FBXW8: variants seen among roughly 807,000 people sequenced by gnomAD.
The protein encoded by FBXW8 is F-box and WD repeat domain containing 8.
FBXW8 carries 57 observed loss-of-function variants against 65.3 expected under a neutral mutation model. That is an observed-to-expected ratio of 0.87 (90% CI 0.71 to 1.09). The LOEUF is 1.09. Among genes scored for constraint, FBXW8 ranks in the 50% least tolerant of loss-of-function variants. FBXW8 has a pLI of 0.00. For missense variants in FBXW8, 777 were observed against 814.8 expected (o/e 0.95, Z 0.57); for synonymous variants, 308 against 330.2 (o/e 0.93, Z 0.73).
intron 7 of FBXW8, among the ~76,000 whole-genome samples, chr12:117,008,448 C>A (rs1038067346): frequency 6.6e-6 from 1 of 152,134 alleles, no homozygotes; most frequent in African/African-American, 2.4e-5. Context: ...AAATGTTCTG[C>A]GTCAGAAATT....
rs771305729 is a variant in FBXW8, at chr12:117,011,402, A to AC, written c.1367+957dup. On this transcript the variant is annotated intron_variant, in intron 8 of 10. Transcript: ENST00000652555. Reference sequence around the variant, plus strand: ...TCCCAACCTTCACCCCTAGATACCCACCCCCAACTTAGAGCAAGGAAATGA... The same window carrying AC: ...TCCCAACCTTCACCCCTAGATACCCACCCCCCAACTTAGAGCAAGGAAATGA... Among the ~76,000 whole-genome samples, 7 of 151,808 alleles carry AC rather than the reference A, an allele frequency of 4.6e-5. No individual in the cohort carries two copies. The East Asian group carries it at 9.7e-4, about 21-fold the overall frequency.
intron 5 of FBXW8, among the ~76,000 whole-genome samples, chr12:116,967,794 T>C (rs930375453): frequency 6.6e-6 from 1 of 152,176 alleles, no homozygotes; most frequent in South Asian, 2.1e-4. Context: ...TGAGATAGAG[T>C]CTGGCTTTGT....
chr12:116,971,570 G>C (rs1884648494), intron 5 of FBXW8, among the ~76,000 whole-genome samples: 1 of 152,100 alleles, frequency 6.6e-6, no homozygotes, highest in Non-Finnish European at 1.5e-5. Context: ...TCAGTGACAG[G>C]AGCTTGAAAT....
intron 4 of FBXW8, among the ~76,000 whole-genome samples, chr12:116,952,314 A>T (rs1202936054): frequency 6.6e-6 from 1 of 152,154 alleles, no homozygotes; most frequent in Admixed American, 6.5e-5. Flanking sequence ...CATTTTTCTG[A>T]GTGTAACCCT....
At chr12:116,929,876 C>A (rs1352302319) in intron 2 of FBXW8, among the ~76,000 whole-genome samples, 1 of 152,172 alleles carries the variant, frequency 6.6e-6, no homozygotes, top group Non-Finnish European at 1.5e-5. Flanking sequence ...CCATTCTACT[C>A]TCTACTTCTA....
chr12:116,927,885 G>A, intron 1 of FBXW8, 138 bp from the exon 2 acceptor site: 1 of 601,312 alleles, frequency 1.7e-6, no homozygotes, highest in African/African-American at 1.9e-5. Context: ...AAACAGTATG[G>A]ATGCCTCCCT....
chr12:117,029,468 G>GGAGGGGCTGT lies in FBXW8; in HGVS notation c.*1306_*1315dup, dbSNP rs1338117206. On this transcript the variant is annotated 3_prime_UTR_variant, in exon 11 of 11. Transcript: ENST00000652555. ...ATACAAAACCCAGGGGATGGGGCTG[G>GGAGGGGCTGT]GAGGGGCTGTGAGGGGCTGGCACCT... The GGAGGGGCTGT allele has an allele frequency of 6.6e-6, 1 of 152,336 alleles. No individual in the cohort carries two copies. Among genetic ancestry groups the GGAGGGGCTGT allele is most frequent in the Non-Finnish European group, 1.5e-5 (1 of 68,048 alleles). The allele number at this position is 152,336 out of a possible 1,614,324, so 9.4% of individuals were successfully genotyped here.
chr12:116,941,496 C>T (rs1393410509), intron 2 of FBXW8, among the ~76,000 whole-genome samples: 1 of 152,094 alleles, frequency 6.6e-6, no homozygotes, highest in Non-Finnish European at 1.5e-5. Context: ...CTTGTGTGCA[C>T]ACATATATAG....
Position 116,988,760 on chromosome 12 carries a change from C to T in FBXW8, c.1130C>T (p.Ala377Val). 3 of 1,614,160 alleles carry T rather than the reference C, an allele frequency of 1.9e-6. No homozygotes were observed. The highest frequency in any genetic ancestry group is 2.5e-6 in the Non-Finnish European group (3 of 1,180,034). Residue 377 changes from alanine to valine, a missense_variant, in exon 7 of 11, where the codon GCC becomes GTC. Transcript: ENST00000652555. ...LMYLLKAEDSARTLLYAHGPP... is the reference protein window; with the variant it reads ...LMYLLKAEDSVRTLLYAHGPP... ...TACCTGCTCAAAGCCGAAGACTCCG[C>T]CAGAACCCTCCTTTACGCCCACGGC...
chr12:116,982,452 T>TAAAA, intron 5 of FBXW8, among the ~76,000 whole-genome samples: 1 of 152,314 alleles, frequency 6.6e-6, no homozygotes, highest in South Asian at 2.1e-4. Context: ...TAAATGATTT[T>TAAAA]GCACCTAAAA....
chr12:116,949,770 C>A, intron 4 of FBXW8, 64 bp downstream of exon 4: 2 of 1,419,392 alleles, frequency 1.4e-6, no homozygotes, highest in Non-Finnish European at 2.0e-6. Context: ...CTCATACCAC[C>A]CTCTGAGTAC....
chr12:116,949,499 A>G (rs1211245023), intron 3 of FBXW8, 119 bp from the exon 4 acceptor site: 6 of 817,822 alleles, frequency 7.3e-6, no homozygotes, highest in Non-Finnish European at 1.3e-5. Flanking sequence ...GGAACTTTGA[A>G]TGCACTTGTT....
chr12:116,924,677 A>G (rs1881185046), intron 1 of FBXW8, among the ~76,000 whole-genome samples: 1 of 152,208 alleles, frequency 6.6e-6, no homozygotes, highest in Non-Finnish European at 1.5e-5. Context: ...TGCCTAAGAC[A>G]TTCTGCTGCC....
rs116838006 is a variant in FBXW8, at chr12:116,999,656, C to T, written c.1240-10667C>T. On this transcript the variant is annotated intron_variant, in intron 7 of 10. Coordinates refer to ENST00000652555, the MANE Select transcript of FBXW8 (RefSeq NM_153348.3). ...TTTTCTCAGAGCACTGGCTGCGTGG[C>T]GAGGAGCATGGGTAAGGCCCCGGTG... Among the ~76,000 whole-genome samples the T allele has an allele frequency of 4.8e-3, 725 of 152,270 alleles. 7 individuals carry two copies. The highest frequency in any genetic ancestry group is 0.017 in the African/African-American group (687 of 41,548).
chr12:117,014,106 T>G (rs1206585668), intron 8 of FBXW8, among the ~76,000 whole-genome samples: 11 of 152,224 alleles, frequency 7.2e-5, no homozygotes. Context: ...ACCAAAGCTC[T>G]GTTCATGTTC....
chr12:116,948,360 T>C (rs1281245115), intron 3 of FBXW8, among the ~76,000 whole-genome samples: 2 of 152,168 alleles, frequency 1.3e-5, no homozygotes, highest in Non-Finnish European at 2.9e-5. Flanking sequence ...ATATCTCCAC[T>C]TGTAGGACAG....
At chr12:116,933,364 C>T (rs1347202877) in intron 2 of FBXW8, among the ~76,000 whole-genome samples, 1 of 152,194 alleles carries the variant, frequency 6.6e-6, no homozygotes, top group Non-Finnish European at 1.5e-5. Context: ...TTGTAGAGAG[C>T]CATGTGGCTT....
At chr12:116,971,922 A>C (rs766812496) in intron 5 of FBXW8, among the ~76,000 whole-genome samples, 56 of 152,210 alleles carry the variant, frequency 3.7e-4, no homozygotes, top group Non-Finnish European at 6.6e-4. Context: ...AAGCCCTCAA[A>C]GTTAAGAAAC....
At chr12:116,931,480 G>A (rs61936973) in intron 2 of FBXW8, among the ~76,000 whole-genome samples, 10,697 of 151,920 alleles carry the variant, frequency 0.07, 482 homozygotes, top group Non-Finnish European at 0.1. Flanking sequence ...TGGACATTTT[G>A]ATAATATTCT....
Sources: gnomAD v4.1 joint callset for allele counts (sites outside exome capture counted in the v4.1 genomes callset) on GRCh38, gnomAD v4.1.1 for gene constraint, MANE v1.5 for transcripts, NCBI Gene and HGNC (gene_info 2026-07-23, HGNC 2026-07-21) for gene names.